Variants in TSHZ2 observed in about 807,000 individuals in gnomAD.
TSHZ2 encodes the protein teashirt zinc finger homeobox 2.
In TSHZ2, 21 loss-of-function variants were observed where a neutral mutation model predicts 74.4. The ratio of observed to expected loss-of-function variants is 0.28; its 90% CI spans 0.20 to 0.41. TSHZ2 has a LOEUF of 0.41. TSHZ2 is among the 10% of genes least tolerant of loss of function. The pLI is 1.00. For missense variants in TSHZ2, 1,244 were observed against 1,293.5 expected (o/e 0.96, Z 0.59); for synonymous variants, 540 against 515.3 (o/e 1.05, Z -0.65).
At chr20:53,033,401 G>T (rs1983707319) in intron 1 of TSHZ2, among the ~76,000 whole-genome samples, 1 of 152,006 alleles carries the variant, frequency 6.6e-6, no homozygotes, top group Non-Finnish European at 1.5e-5. Flanking sequence ...AATATTTTGG[G>T]GAAAAGCGAA....
At chr20:53,418,862 C>A (rs1983367314) in intron 2 of TSHZ2, among the ~76,000 whole-genome samples, 1 of 152,196 alleles carries the variant, frequency 6.6e-6, no homozygotes. Context: ...GGCAGGCCAC[C>A]CAGACAGGTG....
chr20:53,224,569 G>T (rs1989636745), intron 1 of TSHZ2, among the ~76,000 whole-genome samples: 2 of 152,214 alleles, frequency 1.3e-5, no homozygotes, highest in South Asian at 2.1e-4. Context: ...AAGAAATGAG[G>T]CTGGGTGCGG....
intron 1 of TSHZ2, among the ~76,000 whole-genome samples, chr20:52,974,846 G>C (rs1195151428): frequency 6.6e-6 from 1 of 152,188 alleles, no homozygotes; most frequent in Non-Finnish European, 1.5e-5. Context: ...GTGGCATGCA[G>C]AAATATTGAT....
intron 2 of TSHZ2, among the ~76,000 whole-genome samples, chr20:53,294,126 C>A (rs1405470762): frequency 6.7e-6 from 1 of 149,208 alleles, no homozygotes; most frequent in Non-Finnish European, 1.5e-5. Flanking sequence ...AGGCAGCTGT[C>A]ATGAGCTCTT....
rs1050405390 is a variant in TSHZ2 at position 53,110,764 on chromosome 20, G to T, written c.40+137431G>T. ...TAAAATAAAATAAAATAAAGCAGAT[G>T]CAAAACCTAAAATAAAGCTACAGAA... On this transcript the variant is annotated intron_variant, in intron 1 of 2. Transcript: ENST00000371497. Among the ~76,000 whole-genome samples the T allele has an allele frequency of 5.9e-5, 9 of 151,992 alleles. 1 individual carries two copies. The highest frequency in any genetic ancestry group is 3.8e-4 in the East Asian group (2 of 5,198).
chr20:53,411,905 T>C (rs961135512), intron 2 of TSHZ2, among the ~76,000 whole-genome samples: 1 of 152,180 alleles, frequency 6.6e-6, no homozygotes, highest in African/African-American at 2.4e-5. Context: ...GCAAGAACAT[T>C]TAACAAAGAG....
At chr20:53,020,116 G>A (rs1172443567) in intron 1 of TSHZ2, among the ~76,000 whole-genome samples, 1 of 152,052 alleles carries the variant, frequency 6.6e-6, no homozygotes, top group Non-Finnish European at 1.5e-5. Context: ...AGAACAGCAT[G>A]GGGGAAACCA....
chr20:53,288,276 T>G (rs1055500952), intron 2 of TSHZ2, among the ~76,000 whole-genome samples: 1 of 151,976 alleles, frequency 6.6e-6, no homozygotes, highest in African/African-American at 2.4e-5. Flanking sequence ...TGGTGGCAGA[T>G]GCCTGTAGTC....
chr20:52,992,663 A>G (rs1338851412), intron 1 of TSHZ2, among the ~76,000 whole-genome samples: 1 of 152,190 alleles, frequency 6.6e-6, no homozygotes, highest in Non-Finnish European at 1.5e-5. Context: ...TTTTTCTTTA[A>G]AAGAGGTGAA....
intron 2 of TSHZ2, among the ~76,000 whole-genome samples, chr20:53,387,873 C>T (rs1312160194): frequency 6.6e-6 from 1 of 151,924 alleles, no homozygotes; most frequent in Non-Finnish European, 1.5e-5. Context: ...ATGGTGAAAC[C>T]CTATCTCTAC....
chr20:53,079,958 A>C (rs897021148), intron 1 of TSHZ2, among the ~76,000 whole-genome samples: 5 of 152,104 alleles, frequency 3.3e-5, no homozygotes, highest in African/African-American at 9.7e-5. Context: ...TAGGTTATTC[A>C]GTCTCTTCAA....
chr20:53,480,126 C>T lies in TSHZ2; in HGVS notation c.*9-7018C>T, dbSNP rs182014108. Among the ~76,000 whole-genome samples the T allele has an allele frequency of 3.4e-5, 5 of 147,868 alleles. No homozygotes were observed. The East Asian group carries it at 8.0e-4, about 24-fold the overall frequency. On this transcript the variant is annotated intron_variant, in intron 2 of 2. Coordinates refer to ENST00000371497, the MANE Select transcript of TSHZ2 (RefSeq NM_173485.6). ...TCTTGTTGCCCAGGCTAGAGTGCAACGATGTGATCTCGACTCACTGCAACC... is the reference window on the plus strand; with the variant it reads ...TCTTGTTGCCCAGGCTAGAGTGCAATGATGTGATCTCGACTCACTGCAACC...
chr20:53,048,350 G>A (rs577195910), intron 1 of TSHZ2, among the ~76,000 whole-genome samples: 11 of 152,196 alleles, frequency 7.2e-5, no homozygotes, highest in African/African-American at 1.2e-4. Flanking sequence ...CTTCTTAGCC[G>A]GAACTGCTTT....
At chr20:53,043,672 T>C (rs920351912) in intron 1 of TSHZ2, among the ~76,000 whole-genome samples, 2 of 152,128 alleles carry the variant, frequency 1.3e-5, no homozygotes, top group African/African-American at 4.8e-5. Flanking sequence ...ATAATATACT[T>C]TTTCTTCCAT....
At chr20:53,460,977 G>A (rs1985338832) in intron 2 of TSHZ2, among the ~76,000 whole-genome samples, 1 of 152,216 alleles carries the variant, frequency 6.6e-6, no homozygotes, top group Non-Finnish European at 1.5e-5. Context: ...GTCTTCAGAG[G>A]TTACTGCTGT....
intron 1 of TSHZ2, among the ~76,000 whole-genome samples, chr20:53,018,973 C>T (rs967538661): frequency 6.6e-6 from 1 of 152,206 alleles, no homozygotes; most frequent in African/African-American, 2.4e-5. Context: ...ATTCTTTTCT[C>T]TCATTTGCTC....
At chr20:53,400,313 T>C (rs1328266133) in intron 2 of TSHZ2, 1 of 152,264 alleles carries the variant, frequency 6.6e-6, no homozygotes, top group Non-Finnish European at 1.5e-5. Context: ...TCAGGCTCAA[T>C]TAATTGTAAC....
At chr20:53,484,374 ATCTC>A (rs145986068) in intron 2 of TSHZ2, among the ~76,000 whole-genome samples, 9 of 129,600 alleles carry the variant, frequency 6.9e-5, no homozygotes, top group African/African-American at 2.1e-4. Flanking sequence ...ACTTACTTTT[ATCTC>A]TCTCTTTTTT....
intron 1 of TSHZ2, among the ~76,000 whole-genome samples, chr20:53,088,837 C>T (rs1005045201): frequency 7.9e-5 from 12 of 152,032 alleles, no homozygotes; most frequent in African/African-American, 2.7e-4. Flanking sequence ...GCAGAGACTC[C>T]ACTGCCGCTC....
Sources: allele counts gnomAD v4.1 joint callset (sites outside exome capture counted in the v4.1 genomes callset), GRCh38; gene constraint gnomAD v4.1.1; transcripts MANE v1.5; gene names NCBI Gene and HGNC (gene_info 2026-07-23, HGNC 2026-07-21).